The following XXYLT1 variants were observed in gnomAD, a reference collection of about 807,000 sequenced individuals.
XXYLT1 encodes the protein xyloside xylosyltransferase 1.
In XXYLT1, 20 loss-of-function variants were observed where a neutral mutation model predicts 28.9. The observed-to-expected ratio is 0.69, with a 90% CI of 0.49 to 1.00. The LOEUF is 1.00. Ranked by LOEUF, XXYLT1 falls within the 50% of genes least tolerant of loss-of-function variation. The pLI, the probability that XXYLT1 is intolerant of heterozygous loss-of-function variation, is 0.00. For synonymous variants in XXYLT1, 257 were observed against 253.8 expected (o/e 1.01, Z -0.12); for missense variants, 542 against 560.1 (o/e 0.97, Z 0.33).
rs1375308686 is a variant in XXYLT1, at chr3:195,205,756, G to A, written c.652+20953C>T. 5.3e-5 allele frequency among the ~76,000 whole-genome samples: 8 copies of A among 152,096 alleles called. No individual in the cohort carries two copies. The East Asian group carries it at 5.8e-4, about 11-fold the overall frequency. ...CAGGCGACTGTAATATCAGCTACTC[G>A]GGAGGCTGAGGCAGGAGAATCGCTT... is the stretch of plus-strand genomic sequence containing the variant. On this transcript the variant is annotated intron_variant, in intron 2 of 3. Coordinates refer to ENST00000310380, the MANE Select transcript of XXYLT1 (RefSeq NM_152531.5).
intron 1 of XXYLT1, among the ~76,000 whole-genome samples, chr3:195,233,341 T>C (rs1264893732): frequency 2.6e-5 from 4 of 152,248 alleles, no homozygotes; most frequent in African/African-American, 9.6e-5. Flanking sequence ...TGTCTTTTGA[T>C]TGGAGAGTTT....
intron 3 of XXYLT1, among the ~76,000 whole-genome samples, chr3:195,100,892 C>T (rs543651307): frequency 3.3e-5 from 5 of 152,404 alleles, no homozygotes; most frequent in South Asian, 2.1e-4. Context: ...CTGCCTAACC[C>T]TGTGCCTGGC....
At chr3:195,185,161 AAG>A (rs1401737927) in intron 2 of XXYLT1, among the ~76,000 whole-genome samples, 26 of 151,560 alleles carry the variant, frequency 1.7e-4, no homozygotes, top group African/African-American at 6.0e-4. Context: ...AAAAAAGAAA[AAG>A]AAAAGGAAAG....
intron 2 of XXYLT1, among the ~76,000 whole-genome samples, chr3:195,175,373 G>C (rs1357672760): frequency 6.6e-6 from 1 of 152,238 alleles, no homozygotes; most frequent in African/African-American, 2.4e-5. Context: ...TGTGTGAGAT[G>C]GAACTGGGGG....
intron 2 of XXYLT1, chr3:195,175,616 A>T: frequency 2.6e-6 from 4 of 1,536,178 alleles, no homozygotes; most frequent in African/African-American, 1.4e-5. Flanking sequence ...AGTAACAGAC[A>T]TCGCTAGTGC....
chr3:195,137,703 A>G (rs1414458269), intron 3 of XXYLT1, among the ~76,000 whole-genome samples: 1 of 152,236 alleles, frequency 6.6e-6, no homozygotes, highest in Non-Finnish European at 1.5e-5. Context: ...TATGGCTTGT[A>G]TCGGACACGG....
chr3:195,227,282 G>A (rs557212843), intron 1 of XXYLT1, among the ~76,000 whole-genome samples: 3 of 152,226 alleles, frequency 2.0e-5, no homozygotes, highest in South Asian at 4.1e-4. Context: ...TCCAGGCATC[G>A]CCACCTCCTG....
chr3:195,110,913 G>GTA (rs1717672401), intron 3 of XXYLT1, among the ~76,000 whole-genome samples: 1 of 72,752 alleles, frequency 1.4e-5, no homozygotes, highest in African/African-American at 4.8e-5. Context: ...GGTGTGTGGT[G>GTA]TGTGTGTGTG....
chr3:195,244,761 C>CAAAAAA (rs869207427), intron 1 of XXYLT1, among the ~76,000 whole-genome samples: 1 of 26,540 alleles, frequency 3.8e-5, no homozygotes, highest in Non-Finnish European at 7.9e-5. Context: ...GACTCTGTCT[C>CAAAAAA]AAAAAAAAAA....
intron 2 of XXYLT1, among the ~76,000 whole-genome samples, chr3:195,197,694 A>T (rs1423340020): frequency 6.6e-6 from 1 of 152,244 alleles, no homozygotes; most frequent in Admixed American, 6.5e-5. Flanking sequence ...TCCGCTCAGG[A>T]TCACAATTCT....
At chr3:195,100,771 G>T (rs116780786) in intron 3 of XXYLT1, among the ~76,000 whole-genome samples, 1 of 152,312 alleles carries the variant, frequency 6.6e-6, no homozygotes, top group African/African-American at 2.4e-5. Context: ...CCAAGCCTTG[G>T]ACTATGTCTA....
chr3:195,111,010 T>C (rs918198961), intron 3 of XXYLT1, among the ~76,000 whole-genome samples: 7 of 151,944 alleles, frequency 4.6e-5, no homozygotes, highest in Non-Finnish European at 7.4e-5. Context: ...CCGGTTTGCT[T>C]AAACAGCAGA....
intron 2 of XXYLT1, among the ~76,000 whole-genome samples, chr3:195,213,065 T>G (rs905959488): frequency 6.6e-6 from 1 of 152,308 alleles, no homozygotes; most frequent in Non-Finnish European, 1.5e-5. Flanking sequence ...ATTTCAAATC[T>G]GGAAGTACAA....
chr3:195,082,965 G>A (rs913715681), intron 3 of XXYLT1, among the ~76,000 whole-genome samples: 3 of 152,152 alleles, frequency 2.0e-5, no homozygotes, highest in African/African-American at 4.8e-5. Flanking sequence ...TGCTCACCCC[G>A]TGAGATAAAG....
chr3:195,070,241 A>G, intron 3 of XXYLT1, 130 bp from the exon 4 acceptor site: 1 of 1,239,412 alleles, frequency 8.1e-7, no homozygotes, highest in South Asian at 1.6e-5. Context: ...CCGCATCACT[A>G]CACCAGCAAG....
At position 195,255,330 on chromosome 3, in the gene XXYLT1, C is replaced by G. The variant is rs1161457961; in HGVS notation, c.504+15225G>C. On this transcript the variant is annotated intron_variant, in intron 1 of 3. Transcript: ENST00000310380. This position sits in a 1 kb window ranked among gnomAD's most constrained non-coding sequence, Gnocchi z 4.5. Reference sequence around the variant, plus strand: ...GAGACAGCAGCGGGGTTCCCTACCCCACACGGCTCGCACCCACGAGCTCAG... The same window carrying G: ...GAGACAGCAGCGGGGTTCCCTACCCGACACGGCTCGCACCCACGAGCTCAG... Among the ~76,000 whole-genome samples the G allele has an allele frequency of 6.6e-6, 1 of 152,174 alleles. No homozygotes were observed. The highest frequency in any genetic ancestry group is 2.4e-5 in the African/African-American group (1 of 41,428).
intron 1 of XXYLT1, among the ~76,000 whole-genome samples, chr3:195,269,776 C>G (rs1725957123): frequency 6.6e-6 from 1 of 152,192 alleles, no homozygotes; most frequent in Non-Finnish European, 1.5e-5. Flanking sequence ...AGGTCAAAAT[C>G]AAATAAGCAA....
At chr3:195,208,681 AAGAG>A (rs984341563) in intron 2 of XXYLT1, among the ~76,000 whole-genome samples, 2 of 152,292 alleles carry the variant, frequency 1.3e-5, no homozygotes, top group East Asian at 3.9e-4. Context: ...CCATTAGAGA[AAGAG>A]AGAGAAGAAA....
In XXYLT1 at chr3:195,073,542, C is replaced by T. The variant is rs73074241; in HGVS notation, c.786-3431G>A. On this transcript the variant is annotated intron_variant, in intron 3 of 3. Transcript: ENST00000310380. ...TAACTATCTGGATTGTCTAACCGTC[C>T]GGCCTGTGGAGAGTCTTGTTCCTGT... Among the ~76,000 whole-genome samples the T allele has an allele frequency of 5.0e-3, 763 of 152,264 alleles. 5 individuals are homozygous for T. Among genetic ancestry groups the T allele is most frequent in the African/African-American group, 0.017 (719 of 41,532 alleles).
Sources: allele counts gnomAD v4.1 joint callset (sites outside exome capture counted in the v4.1 genomes callset), GRCh38; gene constraint gnomAD v4.1.1; non-coding constraint Gnocchi (gnomAD v3.1); transcripts MANE v1.5; gene names NCBI Gene and HGNC (gene_info 2026-07-23, HGNC 2026-07-21).